The following MAGI1 variants were observed in gnomAD, a reference collection of about 807,000 sequenced individuals.
The protein encoded by MAGI1 is membrane associated guanylate kinase, WW and PDZ domain containing 1, also known as membrane-associated guanylate kinase, WW and PDZ domain-containing protein 1.
In MAGI1, 58 loss-of-function variants were observed where a neutral mutation model predicts 139.9. That is an observed-to-expected ratio of 0.41 (90% CI 0.34 to 0.52). MAGI1 has a LOEUF of 0.52. MAGI1 is among the 20% of genes least tolerant of loss of function. MAGI1 has a pLI of 0.12. For missense variants in MAGI1, 1,874 were observed against 1,901.6 expected, an observed-to-expected ratio of 0.99 and a Z score of 0.27; for synonymous variants, 812 against 737.9, an observed-to-expected ratio of 1.10 and a Z score of -1.63.
chr3:65,410,077 C>T (rs1945664310), intron 12 of MAGI1, among the ~76,000 whole-genome samples: 1 of 152,082 alleles, frequency 6.6e-6, no homozygotes, highest in Non-Finnish European at 1.5e-5. Context: ...GTAAGAAAGA[C>T]CTAAAGTCAT....
chr3:65,708,704 G>C (rs1380217766), intron 1 of MAGI1, among the ~76,000 whole-genome samples: 2 of 125,204 alleles, frequency 1.6e-5, no homozygotes, highest in African/African-American at 6.3e-5. Flanking sequence ...AGAAAGAAGA[G>C]AGAAAGAAAA....
At chr3:65,545,374 A>C (rs1243658966) in intron 2 of MAGI1, among the ~76,000 whole-genome samples, 1 of 152,176 alleles carries the variant, frequency 6.6e-6, no homozygotes, top group Non-Finnish European at 1.5e-5. Context: ...TAACATTTTA[A>C]AAATGTATAT....
intron 1 of MAGI1, among the ~76,000 whole-genome samples, chr3:65,945,945 T>C (rs772754785): frequency 1.3e-5 from 2 of 152,242 alleles, no homozygotes; most frequent in Admixed American, 6.5e-5. Flanking sequence ...GTGGTAATCA[T>C]TCTTTTAAAA....
chr3:65,586,390 A>G (rs1430566034), intron 2 of MAGI1, among the ~76,000 whole-genome samples: 1 of 152,158 alleles, frequency 6.6e-6, no homozygotes, highest in East Asian at 1.9e-4. Context: ...ATTGACTACA[A>G]ATGGTCAGTA....
intron 5 of MAGI1, among the ~76,000 whole-genome samples, chr3:65,458,916 C>T (rs140993485): frequency 2.8e-4 from 43 of 152,172 alleles, no homozygotes; most frequent in African/African-American, 9.4e-4. Flanking sequence ...TGTTTTGTTT[C>T]GGTAGTTTCA....
chr3:65,876,012 T>C (rs1315529953), intron 1 of MAGI1, among the ~76,000 whole-genome samples: 1 of 152,040 alleles, frequency 6.6e-6, no homozygotes, highest in African/African-American at 2.4e-5. Context: ...GACTGATGGA[T>C]TCTTTAATAG....
At chr3:65,631,321 G>C (rs1336918527) in intron 1 of MAGI1, among the ~76,000 whole-genome samples, 1 of 152,190 alleles carries the variant, frequency 6.6e-6, no homozygotes, top group Non-Finnish European at 1.5e-5. Flanking sequence ...TTAAGTGTAG[G>C]ATGTGTAGGA....
chr3:65,551,336 G>T (rs943307406), intron 2 of MAGI1, among the ~76,000 whole-genome samples: 1 of 151,964 alleles, frequency 6.6e-6, no homozygotes, highest in Non-Finnish European at 1.5e-5. Flanking sequence ...AGTCTCACAC[G>T]GTCACCCAGG....
intron 18 of MAGI1, among the ~76,000 whole-genome samples, chr3:65,374,608 G>A (rs764881995): frequency 4.6e-5 from 7 of 152,144 alleles, no homozygotes; most frequent in Admixed American, 2.6e-4. Flanking sequence ...GTGAGACACC[G>A]CATTCAGCCT....
chr3:65,924,725 C>T (rs2062405241), intron 1 of MAGI1, among the ~76,000 whole-genome samples: 1 of 152,306 alleles, frequency 6.6e-6, no homozygotes, highest in South Asian at 2.1e-4. Context: ...CACTGCCCCT[C>T]GCTGCTCCAT....
intron 2 of MAGI1, among the ~76,000 whole-genome samples, chr3:65,538,775 A>T (rs1404552): frequency 0.32 from 48,101 of 151,898 alleles, 8,837 homozygotes; most frequent in East Asian, 0.67. Flanking sequence ...TCTCTGTTCG[A>T]TCCTCAACAT....
chr3:65,463,588 G>A (rs1283227059), intron 5 of MAGI1, among the ~76,000 whole-genome samples: 1 of 151,118 alleles, frequency 6.6e-6, no homozygotes, highest in Admixed American at 6.6e-5. Context: ...GTGTGTGTGT[G>A]TGTGTGTGTG....
chr3:65,502,022 T>A (rs1222525580), intron 2 of MAGI1, among the ~76,000 whole-genome samples: 2 of 152,198 alleles, frequency 1.3e-5, no homozygotes, highest in South Asian at 4.1e-4. Context: ...TTACCAGCTA[T>A]GTAGGGTGGG....
intron 1 of MAGI1, among the ~76,000 whole-genome samples, chr3:65,778,887 A>T (rs1273701475): frequency 6.6e-6 from 1 of 152,216 alleles, no homozygotes; most frequent in Non-Finnish European, 1.5e-5. Flanking sequence ...TATACCCCCC[A>T]GGGGACATTT....
intron 1 of MAGI1, among the ~76,000 whole-genome samples, chr3:65,912,131 C>T (rs2061696006): frequency 6.6e-6 from 1 of 151,700 alleles, no homozygotes. Flanking sequence ...AGATATGAAA[C>T]TCTGCCCACT....
chr3:65,761,446 T>G (rs2037016773), intron 1 of MAGI1, among the ~76,000 whole-genome samples: 1 of 152,184 alleles, frequency 6.6e-6, no homozygotes, highest in Admixed American at 6.6e-5. Context: ...AAGTAAGGAC[T>G]CTTCAGAACT....
chr3:65,662,781 A>T (rs920736386), intron 1 of MAGI1, among the ~76,000 whole-genome samples: 2 of 152,186 alleles, frequency 1.3e-5, no homozygotes, highest in African/African-American at 2.4e-5. Context: ...TCCTCATACT[A>T]TACATTAGAT....
chr3:65,480,784 C>T (rs1283939701), intron 3 of MAGI1, among the ~76,000 whole-genome samples: 1 of 151,896 alleles, frequency 6.6e-6, no homozygotes, highest in East Asian at 1.9e-4. Context: ...GACGGGATTT[C>T]ACCATGTTGG....
chr3:65,581,311 G>A (rs1388246888), intron 2 of MAGI1, among the ~76,000 whole-genome samples: 3 of 151,924 alleles, frequency 2.0e-5, no homozygotes, highest in African/African-American at 7.3e-5. Context: ...TCACAGAAAT[G>A]TACATGAATA....
Sources: gnomAD v4.1 joint callset for allele counts (sites outside exome capture counted in the v4.1 genomes callset) on GRCh38, gnomAD v4.1.1 for gene constraint, MANE v1.5 for transcripts, NCBI Gene and HGNC (gene_info 2026-07-23, HGNC 2026-07-21) for gene names.